Variants in AGBL1 observed in about 807,000 individuals in gnomAD.
The protein encoded by AGBL1 is cytosolic carboxypeptidase 4.
A neutral mutation model predicts 118.9 loss-of-function variants in AGBL1; 130 were observed. That is an observed-to-expected ratio of 1.09 (90% confidence interval 0.95 to 1.26). The LOEUF (loss-of-function observed/expected upper bound fraction) is 1.26. AGBL1 is among the 50% of genes most tolerant of loss of function. The pLI is 0.00. For missense variants in AGBL1, 1,584 were observed against 1,298.1 expected (o/e 1.22, Z -3.38); for synonymous variants, 555 against 478.9 (o/e 1.16, Z -2.08).
At chr15:86,607,217 A>G (rs1043113423) in intron 21 of AGBL1, among the ~76,000 whole-genome samples, 2 of 152,216 alleles carry the variant, frequency 1.3e-5, no homozygotes, top group Non-Finnish European at 2.9e-5. Flanking sequence ...CACTTAGTGA[A>G]GGACACTTTG....
intron 18 of AGBL1, among the ~76,000 whole-genome samples, chr15:86,439,224 A>C (rs1189710022): frequency 6.6e-6 from 1 of 152,142 alleles, no homozygotes; most frequent in Non-Finnish European, 1.5e-5. Context: ...AGAAATTCAA[A>C]AAATTAAGTG....
intron 22 of AGBL1, among the ~76,000 whole-genome samples, chr15:86,721,102 C>T (rs2086712547): frequency 6.6e-6 from 1 of 152,160 alleles, no homozygotes; most frequent in Non-Finnish European, 1.5e-5. Flanking sequence ...CCTTCTGAAA[C>T]TATTCCAATC....
intron 24 of AGBL1, among the ~76,000 whole-genome samples, chr15:87,003,087 C>T (rs2081457912): frequency 1.3e-5 from 2 of 152,226 alleles, no homozygotes; most frequent in South Asian, 4.1e-4. Context: ...CAGTTTTTGC[C>T]CATTCAGTAT....
At chr15:86,939,821 C>T (rs1409746401) in intron 23 of AGBL1, 2 of 152,046 alleles carry the variant, frequency 1.3e-5, no homozygotes, top group Non-Finnish European at 2.9e-5. Context: ...GCCAAATGCA[C>T]CAGTAATTTT....
At chr15:86,674,210 CAA>C in intron 21 of AGBL1, 61 bp from the exon 22 acceptor site, 1 of 1,479,398 alleles carries the variant, frequency 6.8e-7, no homozygotes, top group Non-Finnish European at 9.2e-7. Flanking sequence ...TTCCTAATTT[CAA>C]AGTGTCACCA....
chr15:86,242,106 T>C (rs2078650031), intron 6 of AGBL1, among the ~76,000 whole-genome samples: 1 of 152,186 alleles, frequency 6.6e-6, no homozygotes. Context: ...ATGTCCCTTG[T>C]TCTTCTGCCA....
intron 24 of AGBL1, among the ~76,000 whole-genome samples, chr15:87,018,297 C>T (rs28817312): frequency 0.074 from 11,282 of 151,918 alleles, 1,418 homozygotes; most frequent in African/African-American, 0.26. Context: ...GAAGATCAAC[C>T]CCAAGAAACA....
intron 24 of AGBL1, among the ~76,000 whole-genome samples, chr15:87,009,873 G>A (rs143816748): frequency 1.1e-3 from 168 of 152,322 alleles, no homozygotes; most frequent in African/African-American, 3.8e-3. Flanking sequence ...TGAAATGGCC[G>A]TATTTACCCA....
intron 22 of AGBL1, among the ~76,000 whole-genome samples, chr15:86,799,672 C>T (rs1345817471): frequency 1.3e-5 from 2 of 152,042 alleles, no homozygotes; most frequent in African/African-American, 4.8e-5. Flanking sequence ...TTGAATTTCA[C>T]TTCTATTTTT....
At chr15:86,339,281 T>G (rs1313599515) in intron 17 of AGBL1, among the ~76,000 whole-genome samples, 1 of 151,430 alleles carries the variant, frequency 6.6e-6, no homozygotes, top group Admixed American at 6.6e-5. Flanking sequence ...AGAACTTTTT[T>G]CTTTATTTTT....
At chr15:86,496,984 C>T (rs1054485593) in intron 18 of AGBL1, among the ~76,000 whole-genome samples, 1 of 151,956 alleles carries the variant, frequency 6.6e-6, no homozygotes, top group Non-Finnish European at 1.5e-5. Flanking sequence ...ATGACTACCA[C>T]AATCTAAAAT....
chr15:86,993,585 G>A (rs886692899), intron 24 of AGBL1, among the ~76,000 whole-genome samples: 4 of 152,170 alleles, frequency 2.6e-5, no homozygotes, highest in Non-Finnish European at 5.9e-5. Flanking sequence ...TTCTTCTCAC[G>A]TGGGTGGTTA....
chr15:86,111,564 G>T (rs7180828), intron 1 of AGBL1, among the ~76,000 whole-genome samples: 2 of 152,054 alleles, frequency 1.3e-5, no homozygotes, highest in African/African-American at 2.4e-5. Context: ...TTGGCCTGCT[G>T]CTTTGGTATG....
intron 24 of AGBL1, among the ~76,000 whole-genome samples, chr15:87,001,969 G>A (rs1250721918): frequency 6.6e-6 from 1 of 152,028 alleles, no homozygotes; most frequent in Non-Finnish European, 1.5e-5. Flanking sequence ...CTGTGCAGAA[G>A]CTCTTTAGTT....
intron 22 of AGBL1, among the ~76,000 whole-genome samples, chr15:86,736,809 C>T (rs1282476337): frequency 6.6e-6 from 1 of 152,116 alleles, no homozygotes; most frequent in Admixed American, 6.6e-5. Context: ...TGAGGGTACC[C>T]TTTGAACATT....
intron 21 of AGBL1, among the ~76,000 whole-genome samples, chr15:86,569,517 T>C (rs2083970854): frequency 6.6e-6 from 1 of 152,242 alleles, no homozygotes. Context: ...TAACTGCAAT[T>C]CAAGTGATGC....
At chr15:86,900,509 T>A (rs1024684482) in intron 22 of AGBL1, among the ~76,000 whole-genome samples, 3 of 152,150 alleles carry the variant, frequency 2.0e-5, no homozygotes, top group Non-Finnish European at 4.4e-5. Flanking sequence ...AACTTGAGTA[T>A]ATTTAGCACA....
chr15:86,449,019 T>TG (rs2082161018), intron 18 of AGBL1, among the ~76,000 whole-genome samples: 1 of 152,134 alleles, frequency 6.6e-6, no homozygotes, highest in African/African-American at 2.4e-5. Context: ...TGCAGCTTTT[T>TG]GGGGTAACAA....
chr15:86,947,462 C>T (rs1402235968), intron 23 of AGBL1, among the ~76,000 whole-genome samples: 3 of 152,078 alleles, frequency 2.0e-5, no homozygotes, highest in Non-Finnish European at 4.4e-5. Flanking sequence ...CAATCATTTG[C>T]AGATAAATTA....
Sources: gnomAD v4.1 joint callset for allele counts (sites outside exome capture counted in the v4.1 genomes callset) on GRCh38, gnomAD v4.1.1 for gene constraint, MANE v1.5 for transcripts, NCBI Gene and HGNC (gene_info 2026-07-23, HGNC 2026-07-21) for gene names.